Variants in AKT2 observed in about 807,000 individuals in gnomAD.
AKT2 encodes RAC-beta serine/threonine-protein kinase.
In AKT2, 16 loss-of-function variants were observed where a neutral mutation model predicts 58.6. The observed-to-expected ratio is 0.27, with a 90% CI of 0.18 to 0.41. The LOEUF (loss-of-function observed/expected upper bound fraction) is 0.41, where lower values mean the gene tolerates loss of function less well. Among genes scored for constraint, AKT2 ranks in the 10% least tolerant of loss-of-function variants. The pLI, the probability that AKT2 is intolerant of heterozygous loss-of-function variation, is 1.00. For synonymous variants in AKT2, 253 were observed against 254.0 expected, an observed-to-expected ratio of 1.00 and a Z score of 0.04; for missense variants, 438 against 661.0, an observed-to-expected ratio of 0.66 and a Z score of 3.70.
chr19:40,275,910 G>A (rs977817188), intron 1 of AKT2, among the ~76,000 whole-genome samples: 5 of 151,612 alleles, frequency 3.3e-5, no homozygotes, highest in African/African-American at 1.2e-4. Flanking sequence ...CTACTCGGGA[G>A]GCTGAGGCAG....
intron 9 of AKT2, 134 bp from the exon 10 acceptor site, chr19:40,236,519 A>G: frequency 8.4e-7 from 1 of 1,195,698 alleles, no homozygotes; most frequent in Admixed American, 1.9e-5. Flanking sequence ...CAGCACACAC[A>G]GCCTCACCCT....
At chr19:40,263,660 C>T (rs1319255476) in intron 2 of AKT2, among the ~76,000 whole-genome samples, 3 of 152,172 alleles carry the variant, frequency 2.0e-5, no homozygotes, top group South Asian at 2.1e-4. Context: ...CAGCAGGACA[C>T]GAATCTCCTC....
chr19:40,254,702 G>A (rs930961899), intron 4 of AKT2, among the ~76,000 whole-genome samples: 2 of 151,902 alleles, frequency 1.3e-5, no homozygotes, highest in South Asian at 2.1e-4. Flanking sequence ...GGTGGCACAC[G>A]CCTGTAATCC....
At chr19:40,239,489 T>A (rs1974249745) in intron 7 of AKT2, 1 of 302,518 alleles carries the variant, frequency 3.3e-6, no homozygotes, top group Admixed American at 4.9e-5. Context: ...TGCACTGAGG[T>A]ACCTCATAAG....
intron 1 of AKT2, chr19:40,274,656 T>A: frequency 4.2e-6 from 1 of 239,122 alleles, no homozygotes; most frequent in Non-Finnish European, 8.5e-6. Context: ...GGCAGCGCAG[T>A]CTGAGCAAAA....
chr19:40,257,046 T>C lies in AKT2; in HGVS notation c.55A>G (p.Ile19Val). 6.2e-7 allele frequency: 1 copy of C among 1,614,100 alleles called. No individual in the cohort carries two copies. Among genetic ancestry groups the C allele is most frequent in the Non-Finnish European group, 8.5e-7 (1 of 1,179,988 alleles). Residue 19 changes from isoleucine (I) to valine (V), a missense_variant, in exon 3 of 14, where the codon ATC becomes GTC. Physicochemically the swap from Ile to Val is conservative, Grantham distance 29 (BLOSUM62 3). Coordinates refer to ENST00000392038, the MANE Select transcript of AKT2 (RefSeq NM_001626.6). ...EGWLHKRGEY[I>V]KTWRPRYFLL... ...AAGTACCGTGGCCTCCAGGTCTTGA[T>C]GTATTCACCTGAAATGAGGCAGGAA...
At position 40,234,341 on chromosome 19, in the gene AKT2, T is replaced by C; in HGVS notation, c.1367-390A>G. ...TAAAGGCCTGCTTTAACCCTGTCCCTCTCTGTATGAAACCCTTCCATGGCT... is the reference window on the plus strand; with the variant it reads ...TAAAGGCCTGCTTTAACCCTGTCCCCCTCTGTATGAAACCCTTCCATGGCT... On this transcript the variant is annotated intron_variant, in intron 13 of 13. Transcript: ENST00000392038. This position sits in a 1 kb window ranked among gnomAD's most constrained non-coding sequence, Gnocchi z 4.7. 1 of 265,780 alleles carries C rather than the reference T, an allele frequency of 3.8e-6. No individual in the cohort carries two copies. Among genetic ancestry groups the C allele is most frequent in the South Asian group, 8.3e-5 (1 of 12,030 alleles). The allele number at this position is 265,780 out of a possible 1,614,324, so 16.5% of individuals were successfully genotyped here.
At chr19:40,278,094 G>A (rs2077359177) in intron 1 of AKT2, among the ~76,000 whole-genome samples, 1 of 152,192 alleles carries the variant, frequency 6.6e-6, no homozygotes, top group African/African-American at 2.4e-5. Flanking sequence ...CTGGATTACT[G>A]AGGCCTACTT....
chr19:40,242,809 A>C lies in AKT2; in HGVS notation c.288-122T>G. The stretch of plus-strand genomic sequence containing the variant: ...AAGCAAATGACCACATAACCATGGG[A>C]ATTTGGGCAAGATCTGTCAGAACCA... On this transcript the variant is annotated intron_variant, in intron 4 of 13. Transcript: ENST00000392038. This position sits in a 1 kb window ranked among gnomAD's most constrained non-coding sequence, Gnocchi z 4.3. 5 of 1,136,150 alleles carry C rather than the reference A, an allele frequency of 4.4e-6. No individual in the cohort carries two copies. The South Asian group carries it at 6.7e-5, about 15-fold the overall frequency. 70.4% of individuals were successfully genotyped at this position (1,136,150 alleles called of 1,614,324 possible).
rs1403090412 is a variant in AKT2 at position 40,233,466 on chromosome 19, G to C, written c.*406C>G. 1.9e-6 allele frequency: 1 copy of C among 532,022 alleles called. No individual in the cohort carries two copies. Among genetic ancestry groups the C allele is most frequent in the Admixed American group, 2.2e-5 (1 of 44,816 alleles). The allele number at this position is 532,022 out of a possible 1,614,324, so 33.0% of individuals were successfully genotyped here. ...GCAGCACCACTGTCTGCCGGGTGTC[G>C]CGTCCCACCAGAAGGCAGCCTTCGT... is the stretch of plus-strand genomic sequence containing the variant. On this transcript the variant is annotated 3_prime_UTR_variant, in exon 14 of 14. Transcript: ENST00000392038. This position sits in a 1 kb window ranked among gnomAD's most constrained non-coding sequence, Gnocchi z 4.3.
intron 1 of AKT2, among the ~76,000 whole-genome samples, chr19:40,268,101 C>G (rs868600813): frequency 2.6e-5 from 4 of 152,132 alleles, no homozygotes; most frequent in Non-Finnish European, 5.9e-5. Flanking sequence ...AGAAGCCCGT[C>G]CCCTACACGG....
At chr19:40,240,198 T>TCCTGCAGACAGACTGCGGGTGAG in intron 6 of AKT2, 88 bp from the exon 7 acceptor site, 2 of 1,311,596 alleles carry the variant, frequency 1.5e-6, no homozygotes, top group Non-Finnish European at 2.2e-6. Flanking sequence ...CCTTGTGAAA[T>TCCTGCAGACAGACTGCGGGTGAG]GCAATTCCAT....
chr19:40,284,996 C>T (rs2077488140), intron 1 of AKT2, 185 bp downstream of exon 1: 2 of 375,526 alleles, frequency 5.3e-6, no homozygotes, highest in African/African-American at 2.1e-5. Context: ...CCGCCACCGC[C>T]CCGGCCCCCC....
At chr19:40,256,520 C>T (rs1368095647) in intron 3 of AKT2, among the ~76,000 whole-genome samples, 2 of 152,128 alleles carry the variant, frequency 1.3e-5, no homozygotes, top group Admixed American at 6.5e-5. Context: ...GGACAGAGGA[C>T]GCGAGGCCAG....
chr19:40,253,486 A>G (rs1271958431), intron 4 of AKT2, among the ~76,000 whole-genome samples: 1 of 152,146 alleles, frequency 6.6e-6, no homozygotes, highest in Admixed American at 6.5e-5. Context: ...TCAGAATAGG[A>G]ACTCACATGG....
At chr19:40,276,885 T>C (rs2077336359) in intron 1 of AKT2, among the ~76,000 whole-genome samples, 1 of 152,108 alleles carries the variant, frequency 6.6e-6, no homozygotes, top group Non-Finnish European at 1.5e-5. Context: ...TAGCCAGGTA[T>C]GATGGTGCAT....
In AKT2 at chr19:40,252,942, G is replaced by A. The variant is rs111760449; in HGVS notation, c.287+2216C>T. 6.4e-3 allele frequency among the ~76,000 whole-genome samples: 978 copies of A among 152,180 alleles called. 4 individuals carry two copies. The highest frequency in any genetic ancestry group is 0.011 in the Non-Finnish European group (738 of 68,014). On this transcript the variant is annotated intron_variant, in intron 4 of 13. Coordinates refer to ENST00000392038, the MANE Select transcript of AKT2 (RefSeq NM_001626.6). ...TCAGCTGGCTTGAGATGGTAATTTT[G>A]TTCCCCTCAGTGGGGCAAGTATATT... is the stretch of plus-strand genomic sequence containing the variant.
chr19:40,240,088 G>T lies in AKT2; in HGVS notation c.596C>A (p.Thr199Asn). The T allele has an allele frequency of 6.2e-7, 1 of 1,614,108 alleles. No homozygotes were observed. Among genetic ancestry groups the T allele is most frequent in the Non-Finnish European group, 8.5e-7 (1 of 1,180,044 alleles). ...IAKDEVAHTV[T>N]ESRVLQNTRH... is the part of the protein sequence containing the mutation. ...GGTGTTCTGGAGGACCCGGCTCTCG[G>T]TGACTGTGTGAGCGACTTCATCCTG... Residue 199 changes from threonine (T) to asparagine (N), a missense_variant, in exon 7 of 14, where the codon ACC becomes AAC. By Grantham distance (65) the Thr-to-Asn change is moderately conservative. Coordinates refer to ENST00000392038, the MANE Select transcript of AKT2 (RefSeq NM_001626.6).
At chr19:40,260,277 T>C (rs1975842006) in intron 2 of AKT2, among the ~76,000 whole-genome samples, 3 of 152,108 alleles carry the variant, frequency 2.0e-5, no homozygotes, top group African/African-American at 7.2e-5. Flanking sequence ...GACACCCTCA[T>C]GCACTGCTGG....
Sources: allele counts gnomAD v4.1 joint callset (sites outside exome capture counted in the v4.1 genomes callset), GRCh38; gene constraint gnomAD v4.1.1; non-coding constraint Gnocchi (gnomAD v3.1); transcripts MANE v1.5; gene names NCBI Gene and HGNC (gene_info 2026-07-23, HGNC 2026-07-21).